SEC61A2: variants seen among roughly 807,000 people sequenced by gnomAD.
SEC61A2 encodes protein transport protein Sec61 subunit alpha isoform 2.
A neutral mutation model predicts 59.9 loss-of-function variants in SEC61A2; 28 were observed. The ratio of observed to expected loss-of-function variants is 0.47; its 90% CI spans 0.35 to 0.64. The LOEUF (loss-of-function observed/expected upper bound fraction) is 0.64, where lower values mean the gene tolerates loss of function less well. SEC61A2 is among the 30% of genes least tolerant of loss of function. SEC61A2 has a pLI of 0.01. For missense variants in SEC61A2, 340 were observed against 585.9 expected (o/e 0.58, Z 4.33); for synonymous variants, 202 against 214.4 (o/e 0.94, Z 0.50).
intron 8 of SEC61A2, 144 bp from the exon 9 acceptor site, chr10:12,157,764 G>C (rs190765240): frequency 1.4e-6 from 1 of 704,058 alleles, no homozygotes; most frequent in African/African-American, 1.8e-5. Context: ...GCCTCCCAAA[G>C]TGTTGGGATT....
At position 12,129,815 on chromosome 10, in the gene SEC61A2, CG is replaced by C; in HGVS notation, c.7+25del. On this transcript the variant is annotated intron_variant, in intron 1 of 11. Transcript: ENST00000298428. This position sits in a 1 kb window ranked among gnomAD's most constrained non-coding sequence, Gnocchi z 5.6. ...GGGCAGTGAGTAGCGGCGGCTGGAG[CG>C]GGGACTCTGGCTGGGAACGCAGGCC... 2 of 1,405,704 alleles carry C rather than the reference CG, an allele frequency of 1.4e-6. No individual in the cohort carries two copies. The highest frequency in any genetic ancestry group is 1.9e-6 in the Non-Finnish European group (2 of 1,077,988). 87.1% of individuals were successfully genotyped at this position (1,405,704 alleles called of 1,614,324 possible).
intron 3 of SEC61A2, among the ~76,000 whole-genome samples, chr10:12,136,894 T>C (rs1430522738): frequency 6.6e-6 from 1 of 152,068 alleles, no homozygotes; most frequent in Admixed American, 6.5e-5. Flanking sequence ...CCTCCCAAAG[T>C]GTTGGTATTA....
At position 12,133,321 on chromosome 10, in the gene SEC61A2, T is replaced by C; in HGVS notation, c.75+13T>C. The C allele has an allele frequency of 1.4e-6, 2 of 1,414,460 alleles. No individual in the cohort carries two copies. The highest frequency in any genetic ancestry group is 1.4e-5 in the African/African-American group (1 of 70,788). The allele number at this position is 1,414,460 out of a possible 1,614,324, so 87.6% of individuals were successfully genotyped here. On this transcript the variant is annotated intron_variant, in intron 2 of 11. Coordinates refer to ENST00000298428, the MANE Select transcript of SEC61A2 (RefSeq NM_018144.4). ...ACCGGAAAGGAAAGTAAGTATAATATTTTAGTAATATAGAGGGTAGCTCAA... is the reference window on the plus strand; with the variant it reads ...ACCGGAAAGGAAAGTAAGTATAATACTTTAGTAATATAGAGGGTAGCTCAA...
chr10:12,134,591 C>G (rs1394875106), intron 2 of SEC61A2, among the ~76,000 whole-genome samples: 1 of 152,066 alleles, frequency 6.6e-6, no homozygotes, highest in Non-Finnish European at 1.5e-5. Context: ...TTAGGAAGTT[C>G]AGCTGTTTGT....
At position 12,164,624 on chromosome 10, in the gene SEC61A2, T is replaced by C; in HGVS notation, c.*170T>C. ...GAGCTAAGTCTGTGTGCAGCATTAGTACCCGCTGCCTTAAAACTCAAGTTT... is the reference window on the plus strand; with the variant it reads ...GAGCTAAGTCTGTGTGCAGCATTAGCACCCGCTGCCTTAAAACTCAAGTTT... On this transcript the variant is annotated 3_prime_UTR_variant, in exon 12 of 12. Transcript: ENST00000298428. The surrounding 1 kb of genome is among the most constrained non-coding windows in gnomAD (Gnocchi z 7.3). The C allele has an allele frequency of 1.4e-6, 2 of 1,409,428 alleles. No individual in the cohort carries two copies. The highest frequency in any genetic ancestry group is 1.8e-6 in the Non-Finnish European group (2 of 1,088,914). 87.3% of individuals were successfully genotyped at this position (1,409,428 alleles called of 1,614,324 possible).
At position 12,160,953 on chromosome 10, in the gene SEC61A2, A is replaced by G. The variant is rs1235909586; in HGVS notation, c.999A>G (p.Ala333=). The G allele has an allele frequency of 2.5e-6, 4 of 1,613,514 alleles. No homozygotes were observed. The African/African-American group carries it at 4.0e-5, about 16-fold the overall frequency. The change falls in exon 10 of 12, where the codon GCA becomes GCG. Residue 333 remains alanine, a synonymous_variant. Transcript: ENST00000298428. This position sits in a 1 kb window ranked among gnomAD's most constrained non-coding sequence, Gnocchi z 4.1. ...QWADVSGGGP[A]RSYPVGGLCY... Reference sequence around the variant, plus strand: ...AGGATGTCAGTGGGGGAGGACCCGCACGTTCTTACCCAGTTGGAGGCCTTT... The same window carrying G: ...AGGATGTCAGTGGGGGAGGACCCGCGCGTTCTTACCCAGTTGGAGGCCTTT...
At position 12,156,660 on chromosome 10, in the gene SEC61A2, G is replaced by A. The variant is rs1834402111; in HGVS notation, c.617-247G>A. Among the ~76,000 whole-genome samples the A allele has an allele frequency of 6.6e-6, 1 of 152,152 alleles. No homozygotes were observed. The highest frequency in any genetic ancestry group is 1.9e-4 in the East Asian group (1 of 5,192). On this transcript the variant is annotated intron_variant, in intron 7 of 11. Transcript: ENST00000298428. The surrounding 1 kb of genome is among the most constrained non-coding windows in gnomAD (Gnocchi z 5.2). ...GAAATTTTGCTTTGGTAAATTTTAC[G>A]TTGTATGTTTTCTTCAAGAATAGTC... is the stretch of plus-strand genomic sequence containing the variant.
At position 12,155,953 on chromosome 10, in the gene SEC61A2, A is replaced by C; in HGVS notation, c.616+22A>C. ...AGAGGTACATCGCACAGCGACTGCA[A>C]CTGCACGCGTTTTGCTGGATGTGTG... On this transcript the variant is annotated intron_variant, in intron 7 of 11. Transcript: ENST00000298428. This position sits in a 1 kb window ranked among gnomAD's most constrained non-coding sequence, Gnocchi z 4.3. The C allele has an allele frequency of 1.2e-6, 2 of 1,613,786 alleles. No individual in the cohort carries two copies. The highest frequency in any genetic ancestry group is 4.5e-5 in the East Asian group (2 of 44,874).
rs777975289 is a variant in SEC61A2, at chr10:12,161,059, T to C, written c.1105T>C (p.Leu369=). Residue 369 remains leucine, a synonymous_variant, in exon 10 of 12, where the codon TTG becomes CTG. Transcript: ENST00000298428. The surrounding 1 kb of genome is among the most constrained non-coding windows in gnomAD (Gnocchi z 5.4). ...VHVVVYIIFM[L]GSCAFFSKTW... ...TGTCGTTGTTTATATCATCTTCATG[T>C]TGGGGTCATGTGCATTCTTCTCTAA... 1.9e-6 allele frequency: 3 copies of C among 1,614,106 alleles called. No individual in the cohort carries two copies. In the Admixed American group the frequency reaches 5.0e-5, roughly 27 times the overall value.
chr10:12,166,429 C>G (rs546571044), downstream of SEC61A2: 1 of 218,798 alleles, frequency 4.6e-6, no homozygotes, highest in Non-Finnish European at 9.5e-6. Flanking sequence ...TAGGGCTAGA[C>G]AGCTTCATCT....
chr10:12,150,968 G>A (rs927952072), intron 6 of SEC61A2, among the ~76,000 whole-genome samples: 20 of 152,006 alleles, frequency 1.3e-4, no homozygotes, highest in African/African-American at 3.9e-4. Context: ...TAGAGACGGG[G>A]GTTTCACCAT....
rs1834401514 is a variant in SEC61A2, at chr10:12,156,631, G to A, written c.617-276G>A. On this transcript the variant is annotated intron_variant, in intron 7 of 11. Coordinates refer to ENST00000298428, the MANE Select transcript of SEC61A2 (RefSeq NM_018144.4). This position sits in a 1 kb window ranked among gnomAD's most constrained non-coding sequence, Gnocchi z 5.2. ...AAGTAGAGGAGAGGCAAATCTCTAT[G>A]AATGAAATTTTGCTTTGGTAAATTT... Among the ~76,000 whole-genome samples the A allele has an allele frequency of 6.6e-6, 1 of 152,176 alleles. No homozygotes were observed. The highest frequency in any genetic ancestry group is 2.1e-4 in the South Asian group (1 of 4,828).
intron 4 of SEC61A2, among the ~76,000 whole-genome samples, chr10:12,144,433 T>C (rs1191022448): frequency 2.6e-5 from 4 of 152,242 alleles, no homozygotes; most frequent in African/African-American, 9.6e-5. Flanking sequence ...TTAATGGCCA[T>C]GTTATTATTC....
downstream of SEC61A2, chr10:12,165,755 G>A (rs1834661233): frequency 6.6e-6 from 1 of 152,194 alleles, no homozygotes; most frequent in South Asian, 2.1e-4. Flanking sequence ...TTTCTTAGGT[G>A]TGGTATGTCT....
chr10:12,142,448 T>C lies in SEC61A2; in HGVS notation c.142-669T>C, dbSNP rs950972333. ...GTTATTACAGATTGAGTAAGCATAATTTTTAGTGGCCATGTAATATTCCAT... is the reference window on the plus strand; with the variant it reads ...GTTATTACAGATTGAGTAAGCATAACTTTTAGTGGCCATGTAATATTCCAT... On this transcript the variant is annotated intron_variant, in intron 3 of 11. Coordinates refer to ENST00000298428, the MANE Select transcript of SEC61A2 (RefSeq NM_018144.4). The surrounding 1 kb of genome is among the most constrained non-coding windows in gnomAD (Gnocchi z 5.4). The C allele has an allele frequency of 1.3e-6, 1 of 744,900 alleles. No homozygotes were observed. Among genetic ancestry groups the C allele is most frequent in the Non-Finnish European group, 1.6e-6 (1 of 610,304 alleles). The allele number at this position is 744,900 out of a possible 1,614,324, so 46.1% of individuals were successfully genotyped here.
At chr10:12,135,978 A>G (rs1833872981) in intron 2 of SEC61A2, 127 bp from the exon 3 acceptor site, 2 of 687,694 alleles carry the variant, frequency 2.9e-6, no homozygotes, top group Non-Finnish European at 5.3e-6. Context: ...CTTCCTTTAT[A>G]ACACATAACG....
chr10:12,139,660 T>C (rs1409559118), intron 3 of SEC61A2, among the ~76,000 whole-genome samples: 2 of 152,116 alleles, frequency 1.3e-5, no homozygotes, highest in Admixed American at 6.5e-5. Flanking sequence ...GGCGGGCGCC[T>C]GTAGTCCCAG....
rs774616549 is a variant in SEC61A2 at position 12,149,071 on chromosome 10, T to A, written c.221-524T>A. On this transcript the variant is annotated intron_variant, in intron 4 of 11. Coordinates refer to ENST00000298428, the MANE Select transcript of SEC61A2 (RefSeq NM_018144.4). This position sits in a 1 kb window ranked among gnomAD's most constrained non-coding sequence, Gnocchi z 5.2. ...ACAGTTGGCATATTTGATTTTCTTA[T>A]TTCTCCCTATAAATTCTTTTTTTTT... is the stretch of plus-strand genomic sequence containing the variant. Among the ~76,000 whole-genome samples the A allele has an allele frequency of 3.3e-5, 5 of 152,120 alleles. No homozygotes were observed. The highest frequency in any genetic ancestry group is 5.9e-5 in the Non-Finnish European group (4 of 68,032).
Position 12,156,618 on chromosome 10 carries a change from G to A in SEC61A2, c.617-289G>A, listed in dbSNP as rs2131676132. ...TCTCCCTTCCCTGAAGTAGAGGAGA[G>A]GCAAATCTCTATGAATGAAATTTTG... On this transcript the variant is annotated intron_variant, in intron 7 of 11. Coordinates refer to ENST00000298428, the MANE Select transcript of SEC61A2 (RefSeq NM_018144.4). This position sits in a 1 kb window ranked among gnomAD's most constrained non-coding sequence, Gnocchi z 5.2. Among the ~76,000 whole-genome samples the A allele has an allele frequency of 6.6e-6, 1 of 152,284 alleles. No homozygotes were observed. The highest frequency in any genetic ancestry group is 1.5e-5 in the Non-Finnish European group (1 of 68,030).
Sources: allele counts gnomAD v4.1 joint callset (sites outside exome capture counted in the v4.1 genomes callset), GRCh38; gene constraint gnomAD v4.1.1; non-coding constraint Gnocchi (gnomAD v3.1); transcripts MANE v1.5; gene names NCBI Gene and HGNC (gene_info 2026-07-23, HGNC 2026-07-21).